STARD13: variants seen among roughly 807,000 people sequenced by gnomAD.
STARD13 encodes the protein stAR-related lipid transfer protein 13.
STARD13 carries 62 observed loss-of-function variants against 106.4 expected under a neutral mutation model. The observed-to-expected ratio is 0.58, with a 90% confidence interval of 0.48 to 0.72. The LOEUF is 0.72. Ranked by LOEUF, STARD13 falls within the 30% of genes least tolerant of loss-of-function variation. The probability of loss-of-function intolerance (pLI) is 0.00; values close to 1 mark genes in which losing one functional copy is unlikely to be tolerated. For synonymous variants in STARD13, 565 were observed against 553.0 expected (o/e 1.02, Z -0.31); for missense variants, 1,387 against 1,424.0 (o/e 0.97, Z 0.42).
rs771712148 is a variant in STARD13 at position 33,108,480 on chromosome 13, A to G, written c.3047+1393T>C. 5.9e-5 allele frequency among the ~76,000 whole-genome samples: 9 copies of G among 152,080 alleles called. No homozygotes were observed. In the East Asian group the frequency reaches 1.5e-3, roughly 26 times the overall value. On this transcript the variant is annotated intron_variant, in intron 12 of 13. Transcript: ENST00000336934. ...CATTCTATTTAAAATTCCATCCCTT[A>G]CTATCTCCCTATCTTATTCCTCCCA...
the STARD13 span, among the ~76,000 whole-genome samples, chr13:33,666,220 T>C: frequency 6.6e-6 from 1 of 152,248 alleles, no homozygotes; most frequent in Non-Finnish European, 1.5e-5. Flanking sequence ...GCATTGTTGT[T>C]TTAATGTTAC....
At chr13:33,163,879 A>T (rs1428481242) in intron 3 of STARD13, among the ~76,000 whole-genome samples, 1 of 151,702 alleles carries the variant, frequency 6.6e-6, no homozygotes, top group East Asian at 1.9e-4. Flanking sequence ...TGTGGTTAAA[A>T]CTGAGAGATA....
intron 1 of STARD13, among the ~76,000 whole-genome samples, chr13:33,233,422 G>A (rs1594141314): frequency 2.6e-5 from 4 of 152,206 alleles, no homozygotes; most frequent in Admixed American, 1.3e-4. Flanking sequence ...TAGAGGAGAC[G>A]ACAGCCTGAC....
the STARD13 span, among the ~76,000 whole-genome samples, chr13:33,532,731 G>A: frequency 6.6e-6 from 1 of 152,142 alleles, no homozygotes; most frequent in African/African-American, 2.4e-5. Flanking sequence ...TAAAAAAGTT[G>A]TACTTCTGAG....
chr13:33,332,619 C>T (rs766648528), intron 1 of STARD13, among the ~76,000 whole-genome samples: 6 of 152,154 alleles, frequency 3.9e-5, no homozygotes, highest in Admixed American at 1.3e-4. Context: ...CTGAGAAATA[C>T]GTCTGCGGTT....
At chr13:33,316,474 G>A (rs866424545) in intron 1 of STARD13, among the ~76,000 whole-genome samples, 13 of 152,248 alleles carry the variant, frequency 8.5e-5, no homozygotes, top group Admixed American at 5.9e-4. Context: ...GCCAGAAGCT[G>A]TCCCAGGATA....
At chr13:33,478,519 T>C in the STARD13 span, among the ~76,000 whole-genome samples, 3 of 152,212 alleles carry the variant, frequency 2.0e-5, no homozygotes, top group Non-Finnish European at 4.4e-5. Context: ...GTATTATAAA[T>C]ATGATATTTT....
chr13:33,119,470 C>T (rs557650675), intron 7 of STARD13, among the ~76,000 whole-genome samples: 3 of 152,240 alleles, frequency 2.0e-5, no homozygotes, highest in South Asian at 2.1e-4. Flanking sequence ...TGTGCCAGGC[C>T]GGCCTCCACC....
chr13:33,131,764 G>A (rs563200378), intron 4 of STARD13, among the ~76,000 whole-genome samples: 1 of 152,288 alleles, frequency 6.6e-6, no homozygotes, highest in Admixed American at 6.5e-5. Context: ...CCAAGTGTCA[G>A]TGATACCAGT....
chr13:33,654,573 C>T, the STARD13 span: 40 of 152,256 alleles, frequency 2.6e-4, no homozygotes, highest in African/African-American at 9.4e-4. Flanking sequence ...TGGGAATATA[C>T]TGAAACTACT....
chr13:33,608,613 T>C, the STARD13 span, among the ~76,000 whole-genome samples: 2 of 152,194 alleles, frequency 1.3e-5, no homozygotes, highest in South Asian at 4.1e-4. Flanking sequence ...TCAGTGGTGA[T>C]AAGGTAGACT....
chr13:33,590,791 C>T, the STARD13 span, among the ~76,000 whole-genome samples: 1 of 151,896 alleles, frequency 6.6e-6, no homozygotes, highest in African/African-American at 2.4e-5. Flanking sequence ...AGCAATATGG[C>T]ACATGTATAC....
the STARD13 span, among the ~76,000 whole-genome samples, chr13:33,501,850 T>C: frequency 6.6e-6 from 1 of 152,326 alleles, no homozygotes; most frequent in South Asian, 2.1e-4. Flanking sequence ...AGGATTGTCA[T>C]GGCAATGCAG....
the STARD13 span, among the ~76,000 whole-genome samples, chr13:33,435,686 GAT>G: frequency 6.6e-6 from 1 of 152,176 alleles, no homozygotes; most frequent in African/African-American, 2.4e-5. Context: ...AATCTAGAGA[GAT>G]AATTTAATTT....
the STARD13 span, among the ~76,000 whole-genome samples, chr13:33,404,773 C>CTTTTTT: frequency 8.2e-6 from 1 of 122,248 alleles, no homozygotes; most frequent in Non-Finnish European, 1.7e-5. Flanking sequence ...ACCTCTGGGA[C>CTTTTTT]TTTTTTTTTT....
At chr13:33,473,891 G>GA in the STARD13 span, among the ~76,000 whole-genome samples, 21 of 152,162 alleles carry the variant, frequency 1.4e-4, 1 homozygote, top group Admixed American at 1.2e-3. Flanking sequence ...AATTCCAAAG[G>GA]AATTTCTGTT....
rs1221318862 is a variant in STARD13, at chr13:33,127,448, A to G, written c.1847T>C (p.Leu616Pro). 1 of 1,603,108 alleles carries G rather than the reference A, an allele frequency of 6.2e-7. No homozygotes were observed. The highest frequency in any genetic ancestry group is 1.1e-5 in the South Asian group (1 of 90,366). Residue 616 changes from leucine (L) to proline (P), a missense_variant, in exon 6 of 14, where the codon CTC (leucine) becomes CCC (proline). Coordinates refer to ENST00000336934, the MANE Select transcript of STARD13 (RefSeq NM_178006.4). ...GAGGCGGAGCAGTGAGAAGCGCTGG[A>G]GCAGGCTCAGCTGGCTGGCCGTCTG... ...SSQTASQLSLLQRFSLLRLTA... is the reference protein window; with the variant it reads ...SSQTASQLSLPQRFSLLRLTA...
At chr13:33,608,017 C>T in the STARD13 span, among the ~76,000 whole-genome samples, 2 of 152,176 alleles carry the variant, frequency 1.3e-5, no homozygotes, top group Admixed American at 6.5e-5. Flanking sequence ...TCAAGCGATC[C>T]TCCCACCTCA....
the STARD13 span, among the ~76,000 whole-genome samples, chr13:33,398,373 T>C: frequency 6.6e-6 from 1 of 152,058 alleles, no homozygotes; most frequent in Non-Finnish European, 1.5e-5. Flanking sequence ...GAAAACAACA[T>C]CAGATAAAAT....
Sources: allele counts gnomAD v4.1 joint callset (sites outside exome capture counted in the v4.1 genomes callset), GRCh38; gene constraint gnomAD v4.1.1; transcripts MANE v1.5; gene names NCBI Gene and HGNC (gene_info 2026-07-23, HGNC 2026-07-21).